FNIP2: variants seen among roughly 807,000 people sequenced by gnomAD.
The protein encoded by FNIP2 is folliculin-interacting protein 2.
FNIP2 carries 32 observed loss-of-function variants against 108.7 expected under a neutral mutation model. The observed-to-expected ratio is 0.29, with a 90% CI of 0.22 to 0.40. The LOEUF is 0.40. FNIP2 is among the 10% of genes least tolerant of loss of function. The pLI is 1.00. For synonymous variants in FNIP2, 480 were observed against 496.7 expected, an observed-to-expected ratio of 0.97 and a Z score of 0.45; for missense variants, 1,202 against 1,381.6, an observed-to-expected ratio of 0.87 and a Z score of 2.06.
At chr4:158,789,346 C>T (rs1197931786) in intron 1 of FNIP2, among the ~76,000 whole-genome samples, 6 of 152,076 alleles carry the variant, frequency 3.9e-5, no homozygotes, top group Non-Finnish European at 8.8e-5. Flanking sequence ...TGAGAAATCA[C>T]AGGCTTTTAC....
intron 16 of FNIP2, among the ~76,000 whole-genome samples, chr4:158,901,582 T>A (rs1258886785): frequency 6.6e-6 from 1 of 152,132 alleles, no homozygotes; most frequent in Non-Finnish European, 1.5e-5. Flanking sequence ...CTGAAGTGTG[T>A]TTTCCAACTT....
At chr4:158,835,598 G>C in intron 7 of FNIP2, 122 bp downstream of exon 7, 1 of 810,016 alleles carries the variant, frequency 1.2e-6, no homozygotes, top group Non-Finnish European at 2.0e-6. Flanking sequence ...TCCTTCCTAA[G>C]ATAGTCTGAC....
At chr4:158,904,442 T>TTC (rs1342390674) in intron 16 of FNIP2, 24 bp from the exon 17 acceptor site, 1 of 1,578,344 alleles carries the variant, frequency 6.3e-7, no homozygotes, top group East Asian at 2.2e-5. Flanking sequence ...TAAAGTAATA[T>TTC]TCTTTTCTTT....
chr4:158,894,451 C>T (rs534831479), intron 15 of FNIP2, among the ~76,000 whole-genome samples: 1 of 152,182 alleles, frequency 6.6e-6, no homozygotes, highest in African/African-American at 2.4e-5. Context: ...GGATTACATG[C>T]GTGAGCCACT....
chr4:158,821,954 G>T (rs1262265709), intron 1 of FNIP2, among the ~76,000 whole-genome samples: 1 of 152,028 alleles, frequency 6.6e-6, no homozygotes, highest in Non-Finnish European at 1.5e-5. Flanking sequence ...ACCAGGCATG[G>T]TGGCACATGC....
chr4:158,878,855 A>C (rs1280780362), intron 14 of FNIP2, among the ~76,000 whole-genome samples: 2 of 151,706 alleles, frequency 1.3e-5, no homozygotes, highest in Non-Finnish European at 2.9e-5. Flanking sequence ...ATGATCATTT[A>C]GATTCATGTA....
chr4:158,871,303 A>G (rs1030413091), intron 14 of FNIP2: 5 of 866,290 alleles, frequency 5.8e-6, no homozygotes, highest in Non-Finnish European at 6.9e-6. Flanking sequence ...AAAAATAGAC[A>G]TTTTGTATTA....
At chr4:158,822,501 T>C (rs1472701148) in intron 1 of FNIP2, among the ~76,000 whole-genome samples, 2 of 152,138 alleles carry the variant, frequency 1.3e-5, no homozygotes, top group African/African-American at 2.4e-5. Flanking sequence ...TTTTTGTTTG[T>C]TTGTTTAACA....
chr4:158,874,923 CAAA>C (rs10712018), intron 14 of FNIP2, among the ~76,000 whole-genome samples: 8 of 142,708 alleles, frequency 5.6e-5, no homozygotes, highest in Admixed American at 7.0e-5. Flanking sequence ...TACTAAAATA[CAAA>C]AAAAAAAAAA....
rs1190723995 is a variant in FNIP2, at chr4:158,769,323, AG to A, written c.107+9del. The A allele has an allele frequency of 3.4e-6, 5 of 1,485,602 alleles. No individual in the cohort carries two copies. Among genetic ancestry groups the A allele is most frequent in the Admixed American group, 2.3e-5 (1 of 42,754 alleles). The allele number at this position is 1,485,602 out of a possible 1,614,324, so 92.0% of individuals were successfully genotyped here. Reference sequence around the variant, plus strand: ...CTAAGGAAGGACCCGCCTTTAGGTGAGGGGGCGCCGGGGGGCAATTCTGGCG... The same window carrying A: ...CTAAGGAAGGACCCGCCTTTAGGTGAGGGGCGCCGGGGGGCAATTCTGGCG... On this transcript the variant is annotated splice_donor_5th_base_variant and intron_variant, in intron 1 of 16. Coordinates refer to ENST00000264433, the MANE Select transcript of FNIP2 (RefSeq NM_020840.3).
chr4:158,861,826 A>G (rs1471499553), intron 12 of FNIP2, 50 bp downstream of exon 12: 2 of 1,595,208 alleles, frequency 1.3e-6, no homozygotes, highest in African/African-American at 2.7e-5. Flanking sequence ...GGAATAGGAA[A>G]AAAATGCTAG....
chr4:158,899,936 GTTAGGGTGTCGATT>G (rs1783053453), intron 16 of FNIP2, among the ~76,000 whole-genome samples: 1 of 152,164 alleles, frequency 6.6e-6, no homozygotes, highest in Non-Finnish European at 1.5e-5. Flanking sequence ...TAATTGTGAT[GTTAGGGTGTCGATT>G]TTAGATCTTT....
intron 14 of FNIP2, among the ~76,000 whole-genome samples, chr4:158,871,113 C>T (rs1780921258): frequency 6.6e-6 from 1 of 152,182 alleles, no homozygotes. Flanking sequence ...TCATTAAGTT[C>T]ACTTTGATGG....
intron 16 of FNIP2, 83 bp from the exon 17 acceptor site, chr4:158,904,383 T>C (rs1047166307): frequency 3.2e-6 from 4 of 1,252,134 alleles, no homozygotes; most frequent in Non-Finnish European, 4.6e-6. Context: ...CTAGAAATAA[T>C]ACTTTCTCAT....
intron 7 of FNIP2, among the ~76,000 whole-genome samples, chr4:158,848,201 C>A (rs1779510190): frequency 6.6e-6 from 1 of 152,230 alleles, no homozygotes; most frequent in South Asian, 2.1e-4. Context: ...GCTGTGCTGG[C>A]TTCAGGTCTG....
At chr4:158,870,206 T>A (rs1780857918) in intron 13 of FNIP2, 107 bp from the exon 14 acceptor site, 7 of 1,267,276 alleles carry the variant, frequency 5.5e-6, no homozygotes, top group African/African-American at 1.5e-5. Flanking sequence ...TGGACCACCC[T>A]GAATCTATTT....
In FNIP2 at chr4:158,868,375, C is replaced by T; in HGVS notation, c.1739C>T (p.Pro580Leu). 6.2e-7 allele frequency: 1 copy of T among 1,613,942 alleles called. No individual in the cohort carries two copies. Among genetic ancestry groups the T allele is most frequent in the Non-Finnish European group, 8.5e-7 (1 of 1,179,876 alleles). ...ITVRNEPALV[P>L]PILPPTAAER... is the part of the protein sequence containing the mutation. ...GTGAGGAACGAGCCCGCTCTTGTAC[C>T]CCCCATCCTACCACCAACAGCAGCA... Residue 580 changes from proline to leucine, a missense_variant, in exon 13 of 17, where the codon CCC becomes CTC. Pro to Leu is a moderately conservative substitution (Grantham distance 98). This residue lies in a region of FNIP2 where 878 missense variants were observed against 990.3 expected (regional missense o/e 0.89). Transcript: ENST00000264433. This position sits in a 1 kb window ranked among gnomAD's most constrained non-coding sequence, Gnocchi z 4.6.
At position 158,851,435 on chromosome 4, in the gene FNIP2, G is replaced by A. The variant is rs1198674395; in HGVS notation, c.842G>A (p.Gly281Asp). Residue 281 changes from glycine to aspartate, a missense_variant, in exon 8 of 17, where the codon GGC becomes GAC. Around this residue, in one of 5 missense-constraint regions of FNIP2, gnomAD observed 878 missense variants for 990.3 expected, o/e 0.89. Transcript: ENST00000264433. The part of the protein sequence containing the change: ...LRSQTTSLEN[G>D]IIPRRSTDET... The stretch of plus-strand genomic sequence containing the variant: ...AGTCAGACAACAAGTTTGGAAAATG[G>A]CATCATCCCAAGAAGGTGAGTTGCA... The A allele has an allele frequency of 1.2e-6, 2 of 1,613,762 alleles. No individual in the cohort carries two copies. Among genetic ancestry groups the A allele is most frequent in the Non-Finnish European group, 1.7e-6 (2 of 1,179,854 alleles).
rs7438885 is a variant in FNIP2, at chr4:158,846,777, C to G, written c.728-4544C>G. Among the ~76,000 whole-genome samples, 367 of 152,296 alleles carry G rather than the reference C, an allele frequency of 2.4e-3. 1 individual carries two copies. Among genetic ancestry groups the G allele is most frequent in the African/African-American group, 8.7e-3 (360 of 41,572 alleles). Reference sequence around the variant, plus strand: ...TGGAAGCCTCCACCGATCGTCCTCTCTGCAGGAACCCCAAATTTGAAAACT... The same window carrying G: ...TGGAAGCCTCCACCGATCGTCCTCTGTGCAGGAACCCCAAATTTGAAAACT... On this transcript the variant is annotated intron_variant, in intron 7 of 16. Coordinates refer to ENST00000264433, the MANE Select transcript of FNIP2 (RefSeq NM_020840.3).
Sources: gnomAD v4.1 joint callset for allele counts (sites outside exome capture counted in the v4.1 genomes callset) on GRCh38, gnomAD v4.1.1 for gene constraint, gnomAD v4.1.1 regional missense constraint, Gnocchi (gnomAD v3.1) non-coding constraint, MANE v1.5 for transcripts, NCBI Gene and HGNC (gene_info 2026-07-23, HGNC 2026-07-21) for gene names.